The following RELN variants were observed in gnomAD, a reference collection of about 807,000 sequenced individuals.
The protein encoded by RELN is reelin.
In RELN, 108 loss-of-function variants were observed where a neutral mutation model predicts 427.6. That is an observed-to-expected ratio of 0.25 (90% CI 0.22 to 0.30). The LOEUF is 0.30. Among genes scored for constraint, RELN ranks in the 10% least tolerant of loss-of-function variants. RELN has a pLI of 1.00. For missense variants in RELN, 3,715 were observed against 4,302.8 expected (o/e 0.86, Z 3.82); for synonymous variants, 1,524 against 1,513.4 (o/e 1.01, Z -0.16).
intron 3 of RELN, among the ~76,000 whole-genome samples, chr7:103,796,895 G>GAAAAAAAAAAAAAAAAAAAAAA (rs1563018914): frequency 9.5e-6 from 1 of 105,778 alleles, no homozygotes; most frequent in Non-Finnish European, 1.8e-5. Context: ...AAAAAAAAAA[G>GAAAAAAAAAAAAAAAAAAAAAA]AAAGAAAGAA....
In RELN at chr7:103,960,115, GA is replaced by G. The variant is rs377068083; in HGVS notation, c.226+29015del. ...TGATCTTTTTGAAAAGAAGAAATTA[GA>G]TTATGTCGTTCCTTGGCTCAAAACC... On this transcript the variant is annotated intron_variant, in intron 1 of 64. Transcript: ENST00000428762. 3.2e-3 allele frequency among the ~76,000 whole-genome samples: 483 copies of G among 152,242 alleles called. 3 individuals carry two copies. Among genetic ancestry groups the G allele is most frequent in the African/African-American group, 0.011 (469 of 41,538 alleles).
Position 103,557,981 on chromosome 7 carries a change from A to G in RELN, c.5598T>C (p.Leu1866=). The change falls in exon 37 of 65, where the codon CTT becomes CTC. Residue 1866 remains leucine, a synonymous_variant. Transcript: ENST00000428762. ...CATACTTACTTTTTGCTATAAATCTAAGTGAAAACTGGACATACATTGTAT... is the reference window on the plus strand; with the variant it reads ...CATACTTACTTTTTGCTATAAATCTGAGTGAAAACTGGACATACATTGTAT... The part of the protein sequence containing the change: ...CTNTMYVQFS[L]RFIAKSTPER... 1 of 1,388,448 alleles carries G rather than the reference A, an allele frequency of 7.2e-7. No homozygotes were observed. The highest frequency in any genetic ancestry group is 1.0e-6 in the Non-Finnish European group (1 of 974,402). The allele number at this position is 1,388,448 out of a possible 1,614,324, so 86.0% of individuals were successfully genotyped here.
Position 103,535,305 on chromosome 7 carries a change from A to C in RELN, c.7349+11T>G. 1.2e-6 allele frequency: 2 copies of C among 1,613,536 alleles called. No individual in the cohort carries two copies. Among genetic ancestry groups the C allele is most frequent in the South Asian group, 1.1e-5 (1 of 91,068 alleles). ...TAGAAGCATGTGGTGAACATGTAGA[A>C]GCATTCTTACCTGGTATAAGGAGGG... On this transcript the variant is annotated intron_variant, in intron 46 of 64. Coordinates refer to ENST00000428762, the MANE Select transcript of RELN (RefSeq NM_005045.4).
chr7:103,918,038 C>T (rs949393437), intron 1 of RELN, among the ~76,000 whole-genome samples: 2 of 152,098 alleles, frequency 1.3e-5, no homozygotes, highest in African/African-American at 2.4e-5. Flanking sequence ...ACAAGGCTGT[C>T]ATCATCCTTG....
intron 2 of RELN, among the ~76,000 whole-genome samples, chr7:103,909,107 T>C (rs779876868): frequency 2.0e-5 from 3 of 152,180 alleles, no homozygotes; most frequent in Non-Finnish European, 4.4e-5. Context: ...CAATACTCTA[T>C]TTAATGAAAT....
At chr7:103,796,875 C>CAAAAAAAAAAAAAAAAAAAAAAAAAAAA (rs1310087423) in intron 3 of RELN, among the ~76,000 whole-genome samples, 1 of 67,228 alleles carries the variant, frequency 1.5e-5, no homozygotes, top group Non-Finnish European at 2.8e-5. Flanking sequence ...CTCCATCTCA[C>CAAAAAAAAAAAAAAAAAAAAAAAAAAAA]AAAAAAAAAA....
chr7:103,723,251 T>G, intron 7 of RELN, 60 bp from the exon 8 acceptor site: 2 of 987,132 alleles, frequency 2.0e-6, no homozygotes, highest in South Asian at 1.3e-5. Flanking sequence ...AGGAGAAAGA[T>G]GCTGGGAGGG....
chr7:103,920,209 T>A (rs1795581810), intron 1 of RELN, among the ~76,000 whole-genome samples: 2 of 152,212 alleles, frequency 1.3e-5, no homozygotes, highest in Admixed American at 1.3e-4. Flanking sequence ...TTAAAATGTT[T>A]CCTTTAAAAA....
chr7:103,533,187 C>T (rs1829977883), intron 46 of RELN, among the ~76,000 whole-genome samples: 1 of 152,198 alleles, frequency 6.6e-6, no homozygotes, highest in South Asian at 2.1e-4. Flanking sequence ...GACAAGGCTG[C>T]AGTTGTGACA....
intron 58 of RELN, 151 bp from the exon 59 acceptor site, chr7:103,490,980 A>G: frequency 1.4e-6 from 1 of 722,380 alleles, no homozygotes. Flanking sequence ...AGATTATAAA[A>G]AAATTAAAAT....
At chr7:103,797,961 G>A (rs927736433) in intron 3 of RELN, among the ~76,000 whole-genome samples, 3 of 152,166 alleles carry the variant, frequency 2.0e-5, no homozygotes, top group Non-Finnish European at 2.9e-5. Context: ...CATTAATTAT[G>A]GCAATAAGTC....
At chr7:103,876,516 A>T (rs4727577) in intron 2 of RELN, among the ~76,000 whole-genome samples, 121,671 of 152,068 alleles carry the variant, frequency 0.8, 48,746 homozygotes, top group South Asian at 0.9. Flanking sequence ...GTTATTACTA[A>T]CATTAAGCTT....
rs1332885466 is a variant in RELN, at chr7:103,483,865, G to C, written c.9984-15C>G. ...ACATGATTTTGCTGAAAAACACAGG[G>C]AAATCATCTTTATTTTTATTTATTT... On this transcript the variant is annotated splice_polypyrimidine_tract_variant and intron_variant, in intron 61 of 64. Coordinates refer to ENST00000428762, the MANE Select transcript of RELN (RefSeq NM_005045.4). The C allele has an allele frequency of 3.1e-6, 5 of 1,611,254 alleles. No homozygotes were observed. In the African/African-American group the frequency reaches 6.7e-5, roughly 22 times the overall value.
intron 3 of RELN, among the ~76,000 whole-genome samples, chr7:103,788,051 A>G (rs1554419470): frequency 6.6e-6 from 1 of 152,190 alleles, no homozygotes. Context: ...AATAAACGTA[A>G]TCCATCACAT....
Position 103,791,406 on chromosome 7 carries a change from A to C in RELN, c.474-14779T>G, listed in dbSNP as rs149024652. On this transcript the variant is annotated intron_variant, in intron 3 of 64. Coordinates refer to ENST00000428762, the MANE Select transcript of RELN (RefSeq NM_005045.4). ...TACTGCCATAAAAACAGATGTATAG[A>C]TCAATAGAACAGAATTGAGAGTCCA... Among the ~76,000 whole-genome samples, 156 of 152,338 alleles carry C rather than the reference A, an allele frequency of 1.0e-3. 1 individual carries two copies. The highest frequency in any genetic ancestry group is 3.1e-3 in the African/African-American group (130 of 41,574).
chr7:103,734,685 T>C (rs763069432), intron 6 of RELN, among the ~76,000 whole-genome samples: 2 of 152,170 alleles, frequency 1.3e-5, no homozygotes, highest in African/African-American at 4.8e-5. Flanking sequence ...CTCATGATGA[T>C]GAAACAGGAC....
chr7:103,651,837 T>C, intron 14 of RELN, 48 bp from the exon 15 acceptor site: 2 of 1,595,908 alleles, frequency 1.3e-6, no homozygotes, highest in Non-Finnish European at 1.7e-6. Context: ...AGGGTAAAGA[T>C]AACAAATCAA....
At chr7:103,934,636 T>C (rs1208938699) in intron 1 of RELN, among the ~76,000 whole-genome samples, 3 of 152,198 alleles carry the variant, frequency 2.0e-5, no homozygotes, top group Non-Finnish European at 2.9e-5. Context: ...AGACAATGAA[T>C]AGCATCTCCT....
intron 48 of RELN, 70 bp from the exon 49 acceptor site, chr7:103,519,586 ATT>A (rs35127886): frequency 2.1e-3 from 2,046 of 979,274 alleles, no homozygotes; most frequent in Non-Finnish European, 2.4e-3. Flanking sequence ...TTTTCTATGG[ATT>A]TTTTTTTTTT....
Sources: gnomAD v4.1 joint callset for allele counts (sites outside exome capture counted in the v4.1 genomes callset) on GRCh38, gnomAD v4.1.1 for gene constraint, MANE v1.5 for transcripts, NCBI Gene and HGNC (gene_info 2026-07-23, HGNC 2026-07-21) for gene names.